The following NF1 variants were observed in gnomAD, a reference collection of about 807,000 sequenced individuals.
The protein encoded by NF1 is neurofibromin.
NF1 carries 122 observed loss-of-function variants against 325.7 expected under a neutral mutation model. The ratio of observed to expected loss-of-function variants is 0.37; its 90% CI spans 0.32 to 0.44. The LOEUF is 0.44. NF1 is among the 20% of genes least tolerant of loss of function. NF1 has a pLI of 1.00. For missense variants in NF1, 2,140 were observed against 3,415.4 expected (o/e 0.63, Z 9.31); for synonymous variants, 1,091 against 1,186.0 (o/e 0.92, Z 1.65).
At position 31,337,378 on chromosome 17, in the gene NF1, G is replaced by A. The variant is rs1172220920; in HGVS notation, c.6438G>A (p.Lys2146=). 19 of 1,613,586 alleles carry A rather than the reference G, an allele frequency of 1.2e-5. No individual in the cohort carries two copies. Among genetic ancestry groups the A allele is most frequent in the East Asian group, 2.2e-5 (1 of 44,872 alleles). The change falls in exon 43 of 58, where the codon AAG becomes AAA. Residue 2146 remains lysine (K), a synonymous_variant. Coordinates refer to ENST00000358273, the MANE Select transcript of NF1 (RefSeq NM_001042492.3). Reference sequence around the variant, plus strand: ...TTTATTCTCTTACAGAAGAGACCAAGCAAGTTTTGAGACTCAGTCTGACAG... The same window carrying A: ...TTTATTCTCTTACAGAAGAGACCAAACAAGTTTTGAGACTCAGTCTGACAG... ...CSQLHFSEET[K]QVLRLSLTEF...
At position 31,330,363 on chromosome 17, in the gene NF1, C is replaced by G. The variant is rs1597834730; in HGVS notation, c.5677C>G (p.Leu1893Val). 1 of 1,614,042 alleles carries G rather than the reference C, an allele frequency of 6.2e-7. No homozygotes were observed. The highest frequency in any genetic ancestry group is 8.5e-7 in the Non-Finnish European group (1 of 1,179,928). ...TAATTTAAAAATCGAGGGCCAGTTA[C>G]TAGAGACATCAGGTTTATGTATCCC... ...TFNLKIEGQLLETSGLCIPAN... is the reference protein window; with the variant it reads ...TFNLKIEGQLVETSGLCIPAN... The change falls in exon 39 of 58, where the codon CTA (leucine) becomes GTA (valine). Residue 1893 changes from leucine (L) to valine (V), a missense_variant. Coordinates refer to ENST00000358273, the MANE Select transcript of NF1 (RefSeq NM_001042492.3).
chr17:31,177,254 C>T (rs1178876822), intron 5 of NF1, among the ~76,000 whole-genome samples: 1 of 152,178 alleles, frequency 6.6e-6, no homozygotes, highest in African/African-American at 2.4e-5. Context: ...TCCGCAGCCT[C>T]TGCTGGTGAT....
At chr17:31,152,194 AATGTCCTCTTTCTG>A (rs1356743201) in intron 1 of NF1, among the ~76,000 whole-genome samples, 1 of 151,822 alleles carries the variant, frequency 6.6e-6, no homozygotes, top group Non-Finnish European at 1.5e-5. Flanking sequence ...TTGTATAAAT[AATGTCCTCTTTCTG>A]CCTGTAAGTT....
chr17:31,227,180 T>C (rs1163309361), intron 18 of NF1, 38 bp from the exon 19 acceptor site: 1 of 1,604,254 alleles, frequency 6.2e-7, no homozygotes, highest in Non-Finnish European at 8.5e-7. Flanking sequence ...GGCAGGGCTC[T>C]AAGTGCAGTA....
chr17:31,232,043 ATTTTTTT>A lies in NF1; in HGVS notation c.3198-10_3198-4del, dbSNP rs371047262. The A allele has an allele frequency of 3.2e-4, 186 of 589,866 alleles. No individual in the cohort carries two copies. Among genetic ancestry groups the A allele is most frequent in the Middle Eastern group, 2.7e-3 (5 of 1,856 alleles). 36.5% of individuals were successfully genotyped at this position (589,866 alleles called of 1,614,324 possible). On this transcript the variant is annotated intron_variant, in intron 24 of 57. Coordinates refer to ENST00000358273, the MANE Select transcript of NF1 (RefSeq NM_001042492.3). Reference sequence around the variant, plus strand: ...AACTTGAAAGATTCATGGTCTCTAAATTTTTTTTTTTTTTTTTTTTTTTTTTCAGAGA... The same window carrying A: ...AACTTGAAAGATTCATGGTCTCTAAATTTTTTTTTTTTTTTTTTTCAGAGA...
intron 1 of NF1, among the ~76,000 whole-genome samples, chr17:31,143,983 A>G (rs1200999613): frequency 6.6e-6 from 1 of 151,786 alleles, no homozygotes; most frequent in African/African-American, 2.4e-5. Flanking sequence ...CACGACGCCC[A>G]GCTAATTTTT....
At chr17:31,176,667 C>T (rs2066028422) in intron 5 of NF1, among the ~76,000 whole-genome samples, 1 of 152,086 alleles carries the variant, frequency 6.6e-6, no homozygotes, top group Non-Finnish European at 1.5e-5. Context: ...TTTAATCTAT[C>T]TTGAGTTAAT....
intron 1 of NF1, among the ~76,000 whole-genome samples, chr17:31,095,844 A>G (rs1238565115): frequency 3.9e-5 from 6 of 151,990 alleles, no homozygotes; most frequent in Admixed American, 1.3e-4. Context: ...TATACCCTCA[A>G]TAGGAGAACG....
At chr17:31,281,882 C>T (rs540207613) in intron 36 of NF1, among the ~76,000 whole-genome samples, 1 of 151,866 alleles carries the variant, frequency 6.6e-6, no homozygotes, top group South Asian at 2.1e-4. Flanking sequence ...CATAGTGATA[C>T]CCTGCCTCTA....
chr17:31,326,093 CAA>C lies in NF1; in HGVS notation c.5112_5113del (p.Arg1705AlafsTer12). 6.2e-7 allele frequency: 1 copy of C among 1,613,692 alleles called. No homozygotes were observed. Among genetic ancestry groups the C allele is most frequent in the Non-Finnish European group, 8.5e-7 (1 of 1,179,698 alleles). ...ERLLTGLKGS[K>X]RLVFIDCPGK... ...GGCTGCTGACTGGCCTCAAAGGTAG[CAA>C]AAGGCTTGTTTTCATAGACTGTCCT... On this transcript the variant is annotated frameshift_variant, in exon 37 of 58. Transcript: ENST00000358273. LOFTEE classifies it high-confidence loss of function.
At chr17:31,169,449 T>C (rs2143704316) in intron 4 of NF1, among the ~76,000 whole-genome samples, 1 of 152,366 alleles carries the variant, frequency 6.6e-6, no homozygotes, top group East Asian at 1.9e-4. Flanking sequence ...AAGAAATATT[T>C]ATTGCCTTAT....
chr17:31,247,011 A>G (rs2067404145), intron 29 of NF1, among the ~76,000 whole-genome samples: 1 of 152,078 alleles, frequency 6.6e-6, no homozygotes, highest in Admixed American at 6.6e-5. Flanking sequence ...GCCGGCCAAC[A>G]TGGTGAAACC....
chr17:31,100,027 A>ATTTT (rs1912170761), intron 1 of NF1, among the ~76,000 whole-genome samples: 1 of 151,748 alleles, frequency 6.6e-6, no homozygotes, highest in Non-Finnish European at 1.5e-5. Flanking sequence ...AAAAAAAAGA[A>ATTTT]TTAAAAAGAA....
rs182883462 is a variant in NF1, at chr17:31,280,748, G to A, written c.4835+15409G>A. Among the ~76,000 whole-genome samples, 579 of 151,820 alleles carry A rather than the reference G, an allele frequency of 3.8e-3. 4 individuals carry two copies. The highest frequency in any genetic ancestry group is 0.013 in the South Asian group (61 of 4,814). On this transcript the variant is annotated intron_variant, in intron 36 of 57. Transcript: ENST00000358273. ...ACTGCCAGAATCATCTCTCTGAAAT[G>A]TGACCATTTCACTTCCAGGTAAAAT... is the stretch of plus-strand genomic sequence containing the variant.
At position 31,271,222 on chromosome 17, in the gene NF1, A is replaced by G. The variant is rs1354169762; in HGVS notation, c.4835+5883A>G. ...GGAAAATAAGTTCTCGATTCCAGGC[A>G]TCTGATTTACAAATGGTTTTTTGAA... is the stretch of plus-strand genomic sequence containing the variant. On this transcript the variant is annotated intron_variant, in intron 36 of 57. Coordinates refer to ENST00000358273, the MANE Select transcript of NF1 (RefSeq NM_001042492.3). Among the ~76,000 whole-genome samples, 6 of 152,386 alleles carry G rather than the reference A, an allele frequency of 3.9e-5. No homozygotes were observed. In the East Asian group the frequency reaches 1.2e-3, roughly 29 times the overall value.
intron 36 of NF1, among the ~76,000 whole-genome samples, chr17:31,290,407 G>T (rs1567876700): frequency 6.6e-6 from 1 of 151,774 alleles, no homozygotes; most frequent in South Asian, 2.1e-4. Context: ...TTTCCCCTTT[G>T]GTTTCTGATT....
chr17:31,294,939 G>T (rs1321513703), intron 36 of NF1: 3 of 1,593,036 alleles, frequency 1.9e-6, no homozygotes, highest in Non-Finnish European at 2.6e-6. Flanking sequence ...TCACTGGTTA[G>T]ATATGGACAT....
chr17:31,323,681 C>G (rs2069271040), intron 36 of NF1, among the ~76,000 whole-genome samples: 1 of 152,200 alleles, frequency 6.6e-6, no homozygotes, highest in South Asian at 2.1e-4. Context: ...GACTAGCTGT[C>G]TCTTCAACAC....
At chr17:31,295,137 T>C (rs2068434870) in intron 36 of NF1, 2 of 1,613,954 alleles carry the variant, frequency 1.2e-6, no homozygotes, top group South Asian at 1.1e-5. Flanking sequence ...AAGTTAAGGG[T>C]TGTGCTTTGT....
Sources: gnomAD v4.1 joint callset for allele counts (sites outside exome capture counted in the v4.1 genomes callset) on GRCh38, gnomAD v4.1.1 for gene constraint, MANE v1.5 for transcripts, NCBI Gene and HGNC (gene_info 2026-07-23, HGNC 2026-07-21) for gene names.